The following DTNBP1 variants were observed in gnomAD, a reference collection of about 807,000 sequenced individuals.
DTNBP1 encodes dystrobrevin binding protein 1.
In DTNBP1, 35 loss-of-function variants were observed where a neutral mutation model predicts 42.8. That is an observed-to-expected ratio of 0.82 (90% CI 0.63 to 1.09). The LOEUF (loss-of-function observed/expected upper bound fraction) is 1.09. Ranked by LOEUF, DTNBP1 falls within the 50% of genes least tolerant of loss-of-function variation. The pLI is 0.00. For missense variants in DTNBP1, 457 were observed against 424.2 expected (o/e 1.08, Z -0.68); for synonymous variants, 171 against 162.2 (o/e 1.05, Z -0.41).
intron 7 of DTNBP1, among the ~76,000 whole-genome samples, chr6:15,553,383 A>G (rs1774322440): frequency 6.6e-6 from 1 of 151,696 alleles, no homozygotes; most frequent in African/African-American, 2.4e-5. Flanking sequence ...GAAAGACGGT[A>G]CCATACAAGA....
intron 7 of DTNBP1, among the ~76,000 whole-genome samples, chr6:15,555,234 T>C (rs1285410571): frequency 6.6e-6 from 1 of 151,016 alleles, no homozygotes; most frequent in African/African-American, 2.4e-5. Context: ...TCTCTTAATG[T>C]TGATGGTCAA....
intron 7 of DTNBP1, among the ~76,000 whole-genome samples, chr6:15,553,317 G>C (rs1458441230): frequency 6.6e-6 from 1 of 151,738 alleles, no homozygotes; most frequent in African/African-American, 2.4e-5. Context: ...TACAAAAAAG[G>C]TCCTGGATGA....
chr6:15,622,969 C>T (rs903472224), intron 5 of DTNBP1, among the ~76,000 whole-genome samples: 1 of 152,144 alleles, frequency 6.6e-6, no homozygotes, highest in Non-Finnish European at 1.5e-5. Context: ...TGGCTGCAAA[C>T]CCATAGGTCA....
chr6:15,554,245 TTTC>T (rs370975144), intron 7 of DTNBP1, among the ~76,000 whole-genome samples: 68 of 152,266 alleles, frequency 4.5e-4, no homozygotes, highest in African/African-American at 1.5e-3. Flanking sequence ...TTTTCTTCTT[TTTC>T]TTCTTCTTCT....
intron 7 of DTNBP1, chr6:15,579,914 T>C: frequency 2.3e-6 from 1 of 431,732 alleles, no homozygotes; most frequent in South Asian, 1.6e-5. Context: ...ACACATTACA[T>C]ATATGTATCA....
At chr6:15,643,238 C>T (rs1234731454) in intron 3 of DTNBP1, among the ~76,000 whole-genome samples, 2 of 151,958 alleles carry the variant, frequency 1.3e-5, no homozygotes, top group Non-Finnish European at 2.9e-5. Context: ...CCAAGTCAGA[C>T]AAAAATAAAG....
At chr6:15,652,212 C>CAAAA in intron 1 of DTNBP1, 72 bp from the exon 2 acceptor site, 3 of 1,273,720 alleles carry the variant, frequency 2.4e-6, no homozygotes, top group Non-Finnish European at 3.3e-6. Flanking sequence ...GACAGGGTCT[C>CAAAA]ACTCTGTCGT....
At chr6:15,563,411 TAAC>T (rs749232334) in intron 7 of DTNBP1, among the ~76,000 whole-genome samples, 13 of 152,164 alleles carry the variant, frequency 8.5e-5, no homozygotes, top group Non-Finnish European at 1.3e-4. Context: ...TTCACAGGGT[TAAC>T]AAGAATTCTG....
rs1236262398 is a variant in DTNBP1, at chr6:15,662,960, A to C, written c.-91T>G. 1.9e-6 allele frequency: 3 copies of C among 1,566,608 alleles called. No individual in the cohort carries two copies. Among genetic ancestry groups the C allele is most frequent in the South Asian group, 2.2e-5 (2 of 90,022 alleles). Reference sequence around the variant, plus strand: ...CCCACGCCGCCAACCCCGCGCTGTCACCGCGCGCCCCGCACTCCCACTACC... The same window carrying C: ...CCCACGCCGCCAACCCCGCGCTGTCCCCGCGCGCCCCGCACTCCCACTACC... On this transcript the variant is annotated 5_prime_UTR_variant, in exon 1 of 10. Transcript: ENST00000344537.
chr6:15,658,475 G>A (rs757744579), intron 1 of DTNBP1, among the ~76,000 whole-genome samples: 8 of 152,140 alleles, frequency 5.3e-5, no homozygotes, highest in Non-Finnish European at 1.0e-4. Flanking sequence ...GGCGGCAGGG[G>A]CAGTGAGGGC....
Position 15,651,306 on chromosome 6 carries a change from C to T in DTNBP1, c.161+7G>A, listed in dbSNP as rs1183393616. 3.1e-6 allele frequency: 5 copies of T among 1,610,702 alleles called. No individual in the cohort carries two copies. In the Admixed American group the frequency reaches 5.0e-5, roughly 16 times the overall value. ...GTATAACCTTCCTCTACAAATGAAACACTTACCTGCTAAGTAATTCTAATC... is the reference window on the plus strand; with the variant it reads ...GTATAACCTTCCTCTACAAATGAAATACTTACCTGCTAAGTAATTCTAATC... On this transcript the variant is annotated splice_region_variant and intron_variant, in intron 3 of 9. Coordinates refer to ENST00000344537, the MANE Select transcript of DTNBP1 (RefSeq NM_032122.5).
At chr6:15,589,517 C>T (rs1169542325) in intron 7 of DTNBP1, among the ~76,000 whole-genome samples, 1 of 152,222 alleles carries the variant, frequency 6.6e-6, no homozygotes, top group African/African-American at 2.4e-5. Flanking sequence ...GTTACCATGC[C>T]TGCTGGCCCA....
At chr6:15,598,550 T>G (rs2113646253) in intron 6 of DTNBP1, among the ~76,000 whole-genome samples, 1 of 152,274 alleles carries the variant, frequency 6.6e-6, no homozygotes, top group South Asian at 2.1e-4. Flanking sequence ...CAGAACCTAT[T>G]ACTGTGACTA....
intron 7 of DTNBP1, among the ~76,000 whole-genome samples, chr6:15,560,581 T>C (rs1400175916): frequency 6.6e-6 from 1 of 152,210 alleles, no homozygotes; most frequent in Non-Finnish European, 1.5e-5. Flanking sequence ...TTGACTGAAA[T>C]GGCATGCTTT....
At chr6:15,638,415 G>T (rs1421677226) in intron 3 of DTNBP1, among the ~76,000 whole-genome samples, 3 of 151,926 alleles carry the variant, frequency 2.0e-5, no homozygotes, top group Non-Finnish European at 2.9e-5. Flanking sequence ...ACTGTGCCTG[G>T]CCCCAATTAG....
At chr6:15,642,124 T>C (rs1429555823) in intron 3 of DTNBP1, among the ~76,000 whole-genome samples, 1 of 151,746 alleles carries the variant, frequency 6.6e-6, no homozygotes, top group Non-Finnish European at 1.5e-5. Context: ...AGGGCCCAAC[T>C]CCCCTTCCCT....
chr6:15,566,314 C>CA (rs34136394), intron 7 of DTNBP1, among the ~76,000 whole-genome samples: 23,820 of 89,988 alleles, frequency 0.26, 2,621 homozygotes, highest in East Asian at 0.38. Context: ...GACTCCGTCT[C>CA]AAAAAAAAAA....
At chr6:15,618,381 G>A (rs1437355186) in intron 5 of DTNBP1, among the ~76,000 whole-genome samples, 2 of 152,044 alleles carry the variant, frequency 1.3e-5, no homozygotes, top group Admixed American at 6.6e-5. Context: ...AAAAAGGGGG[G>A]AAGCGTGGGA....
At chr6:15,571,218 T>C (rs1228675612) in intron 7 of DTNBP1, among the ~76,000 whole-genome samples, 2 of 152,340 alleles carry the variant, frequency 1.3e-5, no homozygotes, top group African/African-American at 2.4e-5. Flanking sequence ...TGGAGGTTCA[T>C]CGTACTACTT....
Sources: allele counts gnomAD v4.1 joint callset (sites outside exome capture counted in the v4.1 genomes callset), GRCh38; gene constraint gnomAD v4.1.1; transcripts MANE v1.5; gene names NCBI Gene and HGNC (gene_info 2026-07-23, HGNC 2026-07-21).